CFAP299: variants seen among roughly 807,000 people sequenced by gnomAD.
CFAP299 encodes the protein cilia- and flagella-associated protein 299.
A neutral mutation model predicts 27.0 loss-of-function variants in CFAP299; 21 were observed. The ratio of observed to expected loss-of-function variants is 0.78; its 90% CI spans 0.55 to 1.12. CFAP299 has a LOEUF of 1.12. Among genes scored for constraint, CFAP299 ranks in the 50% most tolerant of loss-of-function variants. CFAP299 has a pLI of 0.00. For synonymous variants in CFAP299, 104 were observed against 98.1 expected (o/e 1.06, Z -0.36); for missense variants, 310 against 276.6 (o/e 1.12, Z -0.86).
intron 2 of CFAP299, among the ~76,000 whole-genome samples, chr4:80,409,975 TC>T (rs1726636198): frequency 6.6e-6 from 1 of 152,150 alleles, no homozygotes; most frequent in East Asian, 1.9e-4. Context: ...CTGGAGAAGG[TC>T]CAGCGAAGAT....
chr4:80,681,572 T>C (rs1385806507), intron 3 of CFAP299, among the ~76,000 whole-genome samples: 1 of 152,190 alleles, frequency 6.6e-6, no homozygotes, highest in Non-Finnish European at 1.5e-5. Flanking sequence ...CCCACTTCTT[T>C]AGTTGCCCAG....
intron 3 of CFAP299, among the ~76,000 whole-genome samples, chr4:80,627,569 A>G (rs1392287644): frequency 6.6e-6 from 1 of 152,026 alleles, no homozygotes; most frequent in Non-Finnish European, 1.5e-5. Flanking sequence ...TGCAGAAGGC[A>G]TGACCCTATA....
intron 3 of CFAP299, among the ~76,000 whole-genome samples, chr4:80,729,631 G>A (rs1247233622): frequency 2.5e-5 from 3 of 117,780 alleles, no homozygotes; most frequent in African/African-American, 6.6e-5. Flanking sequence ...ACGGAGTCTC[G>A]CTCTGTCTCC....
intron 1 of CFAP299, among the ~76,000 whole-genome samples, chr4:80,351,237 A>AT (rs2109984343): frequency 6.6e-6 from 1 of 152,262 alleles, no homozygotes; most frequent in South Asian, 2.1e-4. Flanking sequence ...GTGAATACAA[A>AT]TTTTTTCTCA....
intron 3 of CFAP299, among the ~76,000 whole-genome samples, chr4:80,683,659 T>G (rs1266073511): frequency 6.6e-6 from 1 of 152,204 alleles, no homozygotes. Flanking sequence ...AACCCTTTGA[T>G]AATGCTAGTT....
At chr4:80,817,221 G>C (rs900445732) in intron 3 of CFAP299, among the ~76,000 whole-genome samples, 1 of 152,014 alleles carries the variant, frequency 6.6e-6, no homozygotes, top group Non-Finnish European at 1.5e-5. Context: ...TAGAGGATTA[G>C]TTGAGCCATT....
chr4:80,386,325 C>T, intron 2 of CFAP299: 1 of 1,352,160 alleles, frequency 7.4e-7, no homozygotes, highest in Non-Finnish European at 1.0e-6. Context: ...CACCGCACCA[C>T]CCACGACGAT....
In CFAP299 at chr4:80,738,174, T is replaced by G. The variant is rs192295937; in HGVS notation, c.334-131819T>G. On this transcript the variant is annotated intron_variant, in intron 3 of 5. Transcript: ENST00000358105. The stretch of plus-strand genomic sequence containing the variant: ...ATGGACTATCCTTGAGAATAAGCCA[T>G]GTGCTAAGGAGAAGAATGTGTATTC... 2.6e-5 allele frequency among the ~76,000 whole-genome samples: 4 copies of G among 152,270 alleles called. No individual in the cohort carries two copies. In the East Asian group the frequency reaches 7.7e-4, roughly 29 times the overall value.
At chr4:80,666,839 AC>A (rs1206089480) in intron 3 of CFAP299, among the ~76,000 whole-genome samples, 5 of 152,238 alleles carry the variant, frequency 3.3e-5, no homozygotes, top group Admixed American at 1.3e-4. Context: ...GAGCTGTATG[AC>A]TTTTTGTGGA....
chr4:80,710,660 C>T (rs1179480899), intron 3 of CFAP299, among the ~76,000 whole-genome samples: 2 of 151,450 alleles, frequency 1.3e-5, no homozygotes, highest in African/African-American at 4.9e-5. Context: ...CTGATTCTAC[C>T]AGCGTTCCAA....
chr4:80,724,617 G>A (rs979770782), intron 3 of CFAP299, among the ~76,000 whole-genome samples: 1 of 151,850 alleles, frequency 6.6e-6, no homozygotes, highest in Admixed American at 6.6e-5. Context: ...TAAAAAGCAG[G>A]CCTTTTAGTT....
At chr4:80,570,168 G>C (rs1219892216) in intron 2 of CFAP299, among the ~76,000 whole-genome samples, 1 of 151,942 alleles carries the variant, frequency 6.6e-6, no homozygotes, top group African/African-American at 2.4e-5. Context: ...AGGCATTGAA[G>C]GTTCTTTTCA....
At chr4:80,579,501 T>C (rs1445560386) in intron 2 of CFAP299, among the ~76,000 whole-genome samples, 1 of 152,128 alleles carries the variant, frequency 6.6e-6, no homozygotes, top group East Asian at 1.9e-4. Context: ...CCTATTACCT[T>C]ATTTTCTTGT....
At chr4:80,463,928 C>T (rs1729582216) in intron 2 of CFAP299, among the ~76,000 whole-genome samples, 1 of 152,124 alleles carries the variant, frequency 6.6e-6, no homozygotes, top group South Asian at 2.1e-4. Flanking sequence ...ACTGGACCCG[C>T]TCTTCATTAT....
At position 80,736,442 on chromosome 4, in the gene CFAP299, A is replaced by G. The variant is rs553296881; in HGVS notation, c.334-133551A>G. ...GACAAAGGGCTAATATCCACATTCT[A>G]CAATGAACTCAAACAAATTTACAAG... On this transcript the variant is annotated intron_variant, in intron 3 of 5. Transcript: ENST00000358105. 5.9e-5 allele frequency among the ~76,000 whole-genome samples: 9 copies of G among 152,212 alleles called. No homozygotes were observed. The South Asian group carries it at 1.7e-3, about 28-fold the overall frequency.
chr4:80,690,605 T>C (rs1483180646), intron 3 of CFAP299, among the ~76,000 whole-genome samples: 5 of 151,796 alleles, frequency 3.3e-5, no homozygotes, highest in Non-Finnish European at 7.4e-5. Flanking sequence ...AGATCCAAAA[T>C]TGACACCCTA....
chr4:80,872,039 A>G (rs1733125934), intron 4 of CFAP299: 1 of 151,286 alleles, frequency 6.6e-6, no homozygotes. Flanking sequence ...CCAGGTCCTG[A>G]TAAACATTGT....
At chr4:80,413,750 C>CTTTTTTTTTTTTTTTTTTTTTT (rs66780627) in intron 2 of CFAP299, among the ~76,000 whole-genome samples, 9 of 108,322 alleles carry the variant, frequency 8.3e-5, no homozygotes, top group Non-Finnish European at 1.1e-4. Flanking sequence ...TTGTGTCATT[C>CTTTTTTTTTTTTTTTTTTTTTT]TTTTTTTTTT....
At chr4:80,862,380 GTAAATAAA>G (rs879769975) in intron 3 of CFAP299, among the ~76,000 whole-genome samples, 11 of 151,584 alleles carry the variant, frequency 7.3e-5, no homozygotes, top group East Asian at 5.8e-4. Flanking sequence ...GAAAAATATA[GTAAATAAA>G]TAAATAAATA....
Sources: allele counts gnomAD v4.1 joint callset (sites outside exome capture counted in the v4.1 genomes callset), GRCh38; gene constraint gnomAD v4.1.1; transcripts MANE v1.5; gene names NCBI Gene and HGNC (gene_info 2026-07-23, HGNC 2026-07-21).